The following ABCA12 variants were observed in gnomAD, a reference collection of about 807,000 sequenced individuals.
ABCA12 encodes ATP binding cassette subfamily A member 12, also known as glucosylceramide transporter ABCA12.
Under a neutral mutation model 293.5 loss-of-function variants are expected in ABCA12, and 156 were observed. The observed-to-expected ratio is 0.53, with a 90% CI of 0.47 to 0.61. The LOEUF is 0.61. Ranked by LOEUF, ABCA12 falls within the 20% of genes least tolerant of loss-of-function variation. ABCA12 has a pLI of 0.00. For missense variants in ABCA12, 2,797 were observed against 3,090.2 expected (o/e 0.91, Z 2.25); for synonymous variants, 1,063 against 1,108.0 (o/e 0.96, Z 0.81).
At chr2:215,078,380 C>T (rs1046036319) in intron 2 of ABCA12, among the ~76,000 whole-genome samples, 1 of 152,186 alleles carries the variant, frequency 6.6e-6, no homozygotes, top group Non-Finnish European at 1.5e-5. Flanking sequence ...TAGCCTTTGT[C>T]TTCCTTGAGA....
chr2:215,017,939 C>T, intron 14 of ABCA12, 69 bp downstream of exon 14: 1 of 1,605,462 alleles, frequency 6.2e-7, no homozygotes, highest in Non-Finnish European at 8.5e-7. Context: ...CTGGTAAGCG[C>T]TCAACAAATG....
intron 2 of ABCA12, among the ~76,000 whole-genome samples, chr2:215,074,636 T>G (rs1324171512): frequency 6.6e-6 from 1 of 151,932 alleles, no homozygotes; most frequent in East Asian, 1.9e-4. Context: ...ACAGTGTCCA[T>G]AAAATAAAAT....
At chr2:214,961,265 G>A (rs1449335097) in intron 39 of ABCA12, among the ~76,000 whole-genome samples, 2 of 152,016 alleles carry the variant, frequency 1.3e-5, no homozygotes, top group African/African-American at 4.8e-5. Context: ...GAGGCTAGAA[G>A]ACATACTATT....
At chr2:214,969,015 A>G (rs577181262) in intron 37 of ABCA12, among the ~76,000 whole-genome samples, 32 of 152,218 alleles carry the variant, frequency 2.1e-4, no homozygotes, top group Admixed American at 9.8e-4. Flanking sequence ...ACTAGAGGCA[A>G]TAAGTCCTAA....
chr2:215,062,661 C>A (rs965817743), intron 3 of ABCA12, among the ~76,000 whole-genome samples: 1 of 149,056 alleles, frequency 6.7e-6, no homozygotes, highest in Non-Finnish European at 1.5e-5. Context: ...TTTGTCCCCA[C>A]CTCAGGATCA....
intron 2 of ABCA12, among the ~76,000 whole-genome samples, chr2:215,108,554 T>C (rs1181882949): frequency 6.6e-6 from 1 of 152,222 alleles, no homozygotes; most frequent in Non-Finnish European, 1.5e-5. Flanking sequence ...GCATTAGTTT[T>C]CTCAACTGTG....
At chr2:215,034,515 G>A (rs1700949868) in intron 8 of ABCA12, among the ~76,000 whole-genome samples, 1 of 152,152 alleles carries the variant, frequency 6.6e-6, no homozygotes, top group African/African-American at 2.4e-5. Context: ...TAAAAGTGTG[G>A]GCTCTTCTGA....
In ABCA12 at chr2:215,028,674, A is replaced by T. The variant is rs900294886; in HGVS notation, c.1062-1736T>A. On this transcript the variant is annotated intron_variant, in intron 9 of 52. Transcript: ENST00000272895. ...AACTATCTATTAGGGAAATTTCTAAATCACATTATTACTGTTAAAAATGCA... is the reference window on the plus strand; with the variant it reads ...AACTATCTATTAGGGAAATTTCTAATTCACATTATTACTGTTAAAAATGCA... Among the ~76,000 whole-genome samples the T allele has an allele frequency of 2.0e-5, 3 of 152,248 alleles. No individual in the cohort carries two copies. The South Asian group carries it at 6.2e-4, about 31-fold the overall frequency.
At chr2:215,039,915 G>A (rs558913720) in intron 7 of ABCA12, among the ~76,000 whole-genome samples, 1 of 151,882 alleles carries the variant, frequency 6.6e-6, no homozygotes, top group South Asian at 2.1e-4. Context: ...ACTGTACTAG[G>A]TCTCCAAACT....
intron 3 of ABCA12, among the ~76,000 whole-genome samples, chr2:215,056,849 A>G (rs1377107434): frequency 6.6e-6 from 1 of 152,100 alleles, no homozygotes; most frequent in Non-Finnish European, 1.5e-5. Context: ...AGTTAATGGC[A>G]TTCCCTGAAG....
At chr2:215,126,266 C>G (rs1221681824) in intron 1 of ABCA12, among the ~76,000 whole-genome samples, 2 of 151,792 alleles carry the variant, frequency 1.3e-5, no homozygotes, top group Admixed American at 6.6e-5. Context: ...GTTTTTTGCT[C>G]TTGTCCTTTC....
intron 3 of ABCA12, among the ~76,000 whole-genome samples, chr2:215,056,731 A>G (rs916222202): frequency 6.6e-5 from 10 of 152,112 alleles, no homozygotes; most frequent in Non-Finnish European, 1.3e-4. Context: ...AGATGAATTA[A>G]TGCTGTAAAT....
chr2:214,990,834 A>G lies in ABCA12; in HGVS notation c.3492T>C (p.Leu1164=). The part of the protein sequence containing the change: ...YSFSVIAMSY[L]ISVFFNNTNI... ...TGGTGTTGTTGAAGAAGACACTGAT[A>G]AGATAGCTCATGGCAATAACCGAGA... is the stretch of plus-strand genomic sequence containing the variant. The change falls in exon 24 of 53, where the codon CTT becomes CTC. Residue 1164 remains leucine (L), a synonymous_variant. Coordinates refer to ENST00000272895, the MANE Select transcript of ABCA12 (RefSeq NM_173076.3). 6.2e-7 allele frequency: 1 copy of G among 1,614,160 alleles called. No individual in the cohort carries two copies. Among genetic ancestry groups the G allele is most frequent in the Non-Finnish European group, 8.5e-7 (1 of 1,179,994 alleles).
intron 2 of ABCA12, among the ~76,000 whole-genome samples, chr2:215,081,237 G>GGA (rs982846616): frequency 2.4e-4 from 37 of 152,092 alleles, no homozygotes; most frequent in African/African-American, 8.9e-4. Context: ...CAGCACTTTG[G>GGA]GAGGCTGAGG....
rs748676849 is a variant in ABCA12, at chr2:215,010,372, A to G, written c.2431T>C (p.Tyr811His). ...TTTGTGACTGGGTTATATGGTGCAT[A>G]CAAAATTCTTCCCAACAACATAGGT... is the stretch of plus-strand genomic sequence containing the variant. The part of the protein sequence containing the change: ...LKPMLLGRIL[Y>H]APYNPVTKAI... The change falls in exon 18 of 53, where the codon TAT becomes CAT. Residue 811 changes from tyrosine to histidine, a missense_variant. Tyr to His is a moderately conservative substitution (Grantham distance 83). This residue lies in a region of ABCA12 where 2,130 missense variants were observed against 2,427.0 expected (regional missense o/e 0.88). Transcript: ENST00000272895. 1 of 1,613,858 alleles carries G rather than the reference A, an allele frequency of 6.2e-7. No homozygotes were observed. Among genetic ancestry groups the G allele is most frequent in the South Asian group, 1.1e-5 (1 of 91,080 alleles).
At chr2:215,086,989 C>T (rs1388399454) in intron 2 of ABCA12, among the ~76,000 whole-genome samples, 1 of 151,682 alleles carries the variant, frequency 6.6e-6, no homozygotes, top group Non-Finnish European at 1.5e-5. Flanking sequence ...GTTGCCCAGG[C>T]TGGAGTGCAA....
chr2:215,096,497 G>T (rs1353824484), intron 2 of ABCA12, among the ~76,000 whole-genome samples: 1 of 152,148 alleles, frequency 6.6e-6, no homozygotes, highest in East Asian at 1.9e-4. Context: ...AGTCATTATT[G>T]TCACTATTCT....
At position 214,953,972 on chromosome 2, in the gene ABCA12, G is replaced by A. The variant is rs1194746165; in HGVS notation, c.6529C>T (p.Pro2177Ser). Residue 2177 changes from proline to serine, a missense_variant, in exon 44 of 53, where the codon CCA becomes TCA. Physicochemically the swap from Pro to Ser is moderately conservative, Grantham distance 74. Coordinates refer to ENST00000272895, the MANE Select transcript of ABCA12 (RefSeq NM_173076.3). ...TTATTCATCTCAAAGGTTTCATTTG[G>A]GTATTCCACTCCATATGCTTTTAAG... is the stretch of plus-strand genomic sequence containing the variant. Reference protein sequence around the residue: ...DFLKAYGVEYPNETFEMNKLG... With the variant: ...DFLKAYGVEYSNETFEMNKLG... The A allele has an allele frequency of 6.2e-7, 1 of 1,614,038 alleles. No individual in the cohort carries two copies. Among genetic ancestry groups the A allele is most frequent in the Non-Finnish European group, 8.5e-7 (1 of 1,179,980 alleles).
At chr2:214,942,828 T>G (rs1436414429) in intron 50 of ABCA12, 97 bp downstream of exon 50, 1 of 1,042,546 alleles carries the variant, frequency 9.6e-7, no homozygotes, top group East Asian at 2.6e-5. Context: ...CATTCTAGTT[T>G]TACTACTTAG....
Sources: gnomAD v4.1 joint callset for allele counts (sites outside exome capture counted in the v4.1 genomes callset) on GRCh38, gnomAD v4.1.1 for gene constraint, gnomAD v4.1.1 regional missense constraint, MANE v1.5 for transcripts, NCBI Gene and HGNC (gene_info 2026-07-23, HGNC 2026-07-21) for gene names.